The following OTUD7A variants were observed in gnomAD, a reference collection of about 807,000 sequenced individuals.
OTUD7A encodes the protein OTU domain-containing protein 7A.
In OTUD7A, 12 loss-of-function variants were observed where a neutral mutation model predicts 65.7. The ratio of observed to expected loss-of-function variants is 0.18; its 90% CI spans 0.12 to 0.30. The LOEUF is 0.30. Ranked by LOEUF, OTUD7A falls within the 10% of genes least tolerant of loss-of-function variation. The pLI is 1.00. For synonymous variants in OTUD7A, 641 were observed against 586.3 expected (o/e 1.09, Z -1.35); for missense variants, 1,148 against 1,304.8 (o/e 0.88, Z 1.85).
chr15:31,599,841 G>T (rs1890022102), intron 3 of OTUD7A, among the ~76,000 whole-genome samples: 2 of 152,112 alleles, frequency 1.3e-5, no homozygotes, highest in South Asian at 4.1e-4. Context: ...ACTTCGTGAA[G>T]CATACACAAA....
chr15:31,756,323 C>T (rs1045634798), intron 1 of OTUD7A, among the ~76,000 whole-genome samples: 3 of 152,196 alleles, frequency 2.0e-5, no homozygotes, highest in Non-Finnish European at 4.4e-5. Context: ...ACAGGGATTT[C>T]TCCTGCAAAC....
At chr15:31,796,548 A>G (rs1368861639) in intron 1 of OTUD7A, among the ~76,000 whole-genome samples, 3 of 152,218 alleles carry the variant, frequency 2.0e-5, no homozygotes, top group Non-Finnish European at 4.4e-5. Flanking sequence ...CAACATTCAG[A>G]TGTATTTGAC....
At position 31,530,331 on chromosome 15, in the gene OTUD7A, G is replaced by T. The variant is rs2042069589; in HGVS notation, c.652+376C>A. 2.6e-5 allele frequency among the ~76,000 whole-genome samples: 4 copies of T among 152,116 alleles called. 1 individual carries two copies. Among genetic ancestry groups the T allele is most frequent in the Admixed American group, 2.6e-4 (4 of 15,278 alleles). ...CCTGCCTTTATGCTTTATCTGCAGG[G>T]TCTCCCTGCCTGCAATGCCCTCTTC... On this transcript the variant is annotated intron_variant, in intron 6 of 12. Coordinates refer to ENST00000307050, the MANE Select transcript of OTUD7A (RefSeq NM_001382637.1).
chr15:31,514,737 C>T (rs1484481775), intron 8 of OTUD7A, among the ~76,000 whole-genome samples: 1 of 152,276 alleles, frequency 6.6e-6, no homozygotes. Context: ...GGTGTCCTCC[C>T]ATCCCCCACC....
intron 1 of OTUD7A, among the ~76,000 whole-genome samples, chr15:31,793,265 C>T (rs1256241235): frequency 6.6e-6 from 1 of 152,182 alleles, no homozygotes; most frequent in African/African-American, 2.4e-5. Flanking sequence ...TGGGCTGATT[C>T]TGGCCTGGTA....
intron 1 of OTUD7A, among the ~76,000 whole-genome samples, chr15:31,753,376 G>C (rs1005110443): frequency 6.6e-6 from 1 of 151,860 alleles, no homozygotes; most frequent in African/African-American, 2.4e-5. Flanking sequence ...TAGTGGTGAC[G>C]TGTGAGATTT....
chr15:31,552,128 G>A (rs1200771361), intron 5 of OTUD7A, among the ~76,000 whole-genome samples: 1 of 152,104 alleles, frequency 6.6e-6, no homozygotes, highest in Non-Finnish European at 1.5e-5. Flanking sequence ...CTCCTCTCTT[G>A]CTCCCCTTCA....
At chr15:31,735,077 G>T (rs1263471244) in intron 1 of OTUD7A, among the ~76,000 whole-genome samples, 1 of 151,998 alleles carries the variant, frequency 6.6e-6, no homozygotes, top group Non-Finnish European at 1.5e-5. Context: ...TAAAAAGTGG[G>T]CAAAGGACAT....
rs1480338781 is a variant in OTUD7A, at chr15:31,500,112, T to C, written c.1171+1578A>G. Among the ~76,000 whole-genome samples the C allele has an allele frequency of 3.9e-5, 6 of 152,318 alleles. No homozygotes were observed. In the Middle Eastern group the frequency reaches 0.01, roughly 259 times the overall value. ...CTGACCACAGAATCTCCCTGGGGAC[T>C]GGACAGAGGGCCCCGCCCCTGGCCG... On this transcript the variant is annotated intron_variant, in intron 10 of 12. Coordinates refer to ENST00000307050, the MANE Select transcript of OTUD7A (RefSeq NM_001382637.1).
At chr15:31,843,948 G>A (rs1897244514) in intron 1 of OTUD7A, among the ~76,000 whole-genome samples, 1 of 152,152 alleles carries the variant, frequency 6.6e-6, no homozygotes, top group Admixed American at 6.5e-5. Flanking sequence ...CAGCCAGGCA[G>A]GAGGGCCATG....
intron 1 of OTUD7A, among the ~76,000 whole-genome samples, chr15:31,832,340 T>A (rs542471975): frequency 1.9e-4 from 29 of 152,074 alleles, no homozygotes; most frequent in Non-Finnish European, 4.0e-4. Flanking sequence ...CACAGGCCCA[T>A]CACAACACTA....
intron 1 of OTUD7A, among the ~76,000 whole-genome samples, chr15:31,713,843 C>T (rs1442649691): frequency 6.6e-6 from 1 of 151,624 alleles, no homozygotes; most frequent in Non-Finnish European, 1.5e-5. Flanking sequence ...CTTGTACATA[C>T]ACTTCACAAG....
intron 8 of OTUD7A, among the ~76,000 whole-genome samples, chr15:31,522,464 A>G (rs770318171): frequency 6.6e-6 from 1 of 152,232 alleles, no homozygotes; most frequent in Non-Finnish European, 1.5e-5. Flanking sequence ...GATCGTGGGA[A>G]TTCTCAGACA....
chr15:31,851,745 C>T (rs1228436909), intron 1 of OTUD7A, among the ~76,000 whole-genome samples: 4 of 152,238 alleles, frequency 2.6e-5, no homozygotes, highest in South Asian at 2.1e-4. Context: ...TCACCAGTTA[C>T]ACATCCCCAT....
chr15:31,808,139 AC>A (rs1412818116), intron 1 of OTUD7A, among the ~76,000 whole-genome samples: 1 of 62,272 alleles, frequency 1.6e-5, no homozygotes, highest in Non-Finnish European at 4.5e-5. Flanking sequence ...ACACACACAA[AC>A]AAATCCTCAC....
intron 1 of OTUD7A, among the ~76,000 whole-genome samples, chr15:31,665,287 A>C (rs746002922): frequency 6.6e-6 from 1 of 152,242 alleles, no homozygotes; most frequent in Non-Finnish European, 1.5e-5. Context: ...CTACCCATCC[A>C]TGAGCATGGG....
In OTUD7A at chr15:31,541,630, G is replaced by GA. The variant is rs142797440; in HGVS notation, c.551-10823dup. Among the ~76,000 whole-genome samples the GA allele has an allele frequency of 3.3e-3, 501 of 152,260 alleles. 3 individuals carry two copies. Among genetic ancestry groups the GA allele is most frequent in the African/African-American group, 0.012 (480 of 41,538 alleles). On this transcript the variant is annotated intron_variant, in intron 5 of 12. Coordinates refer to ENST00000307050, the MANE Select transcript of OTUD7A (RefSeq NM_001382637.1). ...TTCAAATGTATATCCAAGCTTGAAA[G>GA]AAAGTGTAGTAAATCTCCAACAACC...
In OTUD7A at chr15:31,722,451, C is replaced by T. The variant is rs1264292452; in HGVS notation, c.-99-65374G>A. ...TGGGTGCCCACCGACTCCAAACACTCTCACTGGCTGGAAATCGCAGGTTTG... is the reference window on the plus strand; with the variant it reads ...TGGGTGCCCACCGACTCCAAACACTTTCACTGGCTGGAAATCGCAGGTTTG... On this transcript the variant is annotated intron_variant, in intron 1 of 12. Transcript: ENST00000307050. Among the ~76,000 whole-genome samples, 3 of 152,248 alleles carry T rather than the reference C, an allele frequency of 2.0e-5. No individual in the cohort carries two copies. In the South Asian group the frequency reaches 6.2e-4, roughly 32 times the overall value.
chr15:31,728,372 C>G (rs1893951407), intron 1 of OTUD7A, among the ~76,000 whole-genome samples: 2 of 152,360 alleles, frequency 1.3e-5, no homozygotes, highest in African/African-American at 4.8e-5. Flanking sequence ...CATTCCTCCT[C>G]TCTGTCCCCA....
Sources: allele counts gnomAD v4.1 joint callset (sites outside exome capture counted in the v4.1 genomes callset), GRCh38; gene constraint gnomAD v4.1.1; transcripts MANE v1.5; gene names NCBI Gene and HGNC (gene_info 2026-07-23, HGNC 2026-07-21).